HEMK2: variants seen among roughly 807,000 people sequenced by gnomAD.
The protein encoded by HEMK2 is methyltransferase HEMK2.
At chr21:28,645,154 T>C in the HEMK2 span, among the ~76,000 whole-genome samples, 1 of 152,210 alleles carries the variant, frequency 6.6e-6, no homozygotes, top group Non-Finnish European at 1.5e-5. Context: ...CACATTTTCC[T>C]GCCAGACTCT....
chr21:28,598,701 C>A, the HEMK2 span, among the ~76,000 whole-genome samples: 1 of 152,130 alleles, frequency 6.6e-6, no homozygotes, highest in East Asian at 1.9e-4. Flanking sequence ...TGAGGGTGAT[C>A]CTAGGGATTC....
chr21:28,607,207 T>A, the HEMK2 span, among the ~76,000 whole-genome samples: 1 of 152,070 alleles, frequency 6.6e-6, no homozygotes, highest in African/African-American at 2.4e-5. Flanking sequence ...GCTCAGGAGT[T>A]CGTGACCAGC....
chr21:28,805,456 C>T, the HEMK2 span, among the ~76,000 whole-genome samples: 58 of 152,246 alleles, frequency 3.8e-4, no homozygotes, highest in African/African-American at 1.3e-3. Context: ...TCAAACCATA[C>T]CTCTATAAAG....
the HEMK2 span, among the ~76,000 whole-genome samples, chr21:28,606,141 T>C: frequency 0.019 from 2,825 of 152,284 alleles, 109 homozygotes; most frequent in African/African-American, 0.065. Context: ...AATTTTGAGT[T>C]GTAACAGTAT....
At chr21:28,628,296 G>A in the HEMK2 span, among the ~76,000 whole-genome samples, 1,908 of 151,980 alleles carry the variant, frequency 0.013, 35 homozygotes, top group African/African-American at 0.044. Flanking sequence ...TCAAAAATAT[G>A]GTGTTTTTAT....
the HEMK2 span, chr21:28,872,344 C>CGT: frequency 1.3e-5 from 2 of 152,180 alleles, no homozygotes; most frequent in Non-Finnish European, 2.9e-5. Context: ...GCAAACTCCT[C>CGT]GTGGCTCCAC....
chr21:28,645,604 G>GAATGCTTGCATCTCCCC, the HEMK2 span, among the ~76,000 whole-genome samples: 1 of 151,954 alleles, frequency 6.6e-6, no homozygotes, highest in Non-Finnish European at 1.5e-5. Context: ...GTTATGGTCT[G>GAATGCTTGCATCTCCCC]AATGCTTGCA....
At chr21:28,596,380 C>G in the HEMK2 span, among the ~76,000 whole-genome samples, 1 of 152,116 alleles carries the variant, frequency 6.6e-6, no homozygotes, top group African/African-American at 2.4e-5. Flanking sequence ...GCAAATCTTT[C>G]TCATAAATTT....
At chr21:28,811,470 GGAAA>G in the HEMK2 span, among the ~76,000 whole-genome samples, 6 of 148,428 alleles carry the variant, frequency 4.0e-5, no homozygotes, top group Non-Finnish European at 7.4e-5. Flanking sequence ...GGAGAGGGAG[GGAAA>G]GAAAGAAAAG....
At chr21:28,768,281 T>C in the HEMK2 span, among the ~76,000 whole-genome samples, 1 of 152,072 alleles carries the variant, frequency 6.6e-6, no homozygotes, top group Non-Finnish European at 1.5e-5. Flanking sequence ...TTGAAGCTTG[T>C]CCAAAGGATA....
the HEMK2 span, among the ~76,000 whole-genome samples, chr21:28,729,359 T>C: frequency 5.0e-3 from 756 of 152,116 alleles, 6 homozygotes; most frequent in African/African-American, 0.017. Context: ...GCCTAGAAAA[T>C]GTTTGTGAAT....
chr21:28,697,036 C>T, the HEMK2 span, among the ~76,000 whole-genome samples: 1 of 152,066 alleles, frequency 6.6e-6, no homozygotes, highest in Non-Finnish European at 1.5e-5. Flanking sequence ...GGCCTTCAGG[C>T]CTGTAAGGTG....
chr21:28,613,074 T>TA, the HEMK2 span, among the ~76,000 whole-genome samples: 1 of 150,760 alleles, frequency 6.6e-6, no homozygotes, highest in African/African-American at 2.5e-5. Context: ...TGAAGAAATG[T>TA]GATAGATAGA....
chr21:28,672,079 G>A, the HEMK2 span, among the ~76,000 whole-genome samples: 1 of 151,962 alleles, frequency 6.6e-6, no homozygotes, highest in Non-Finnish European at 1.5e-5. Context: ...TTAGATAGTA[G>A]GCTCTTTTGC....
the HEMK2 span, among the ~76,000 whole-genome samples, chr21:28,757,080 A>G: frequency 6.6e-6 from 1 of 152,326 alleles, no homozygotes; most frequent in East Asian, 1.9e-4. Flanking sequence ...TATTCAGCAA[A>G]TGTCTATTAA....
At chr21:28,688,700 A>G in the HEMK2 span, among the ~76,000 whole-genome samples, 1 of 152,202 alleles carries the variant, frequency 6.6e-6, no homozygotes, top group Non-Finnish European at 1.5e-5. Flanking sequence ...AGATGCGTAA[A>G]AATTTATTCT....
At chr21:28,658,362 C>G in the HEMK2 span, among the ~76,000 whole-genome samples, 10 of 151,784 alleles carry the variant, frequency 6.6e-5, no homozygotes, top group Non-Finnish European at 1.5e-4. Flanking sequence ...GCTTGAGGGC[C>G]CTAAGAAAAT....
the HEMK2 span, among the ~76,000 whole-genome samples, chr21:28,857,674 TTATTAA>T: frequency 6.6e-6 from 1 of 152,232 alleles, no homozygotes; most frequent in South Asian, 2.1e-4. Flanking sequence ...ACCTTGTCTG[TTATTAA>T]TATTGCCATT....
At chr21:28,885,305 A>C in the HEMK2 span, 9 of 1,588,304 alleles carry the variant, frequency 5.7e-6, no homozygotes, top group Middle Eastern at 5.0e-4. Context: ...GCCGCGGCCC[A>C]CGTGCCCGTG....
Sources: gnomAD v4.1 joint callset for allele counts (sites outside exome capture counted in the v4.1 genomes callset) on GRCh38, gnomAD v4.1.1 for gene constraint, MANE v1.5 for transcripts, NCBI Gene and HGNC (gene_info 2026-07-23, HGNC 2026-07-21) for gene names.